Variants in ATF7IP observed in about 807,000 individuals in gnomAD.
ATF7IP encodes the protein activating transcription factor 7 interacting protein, also known as activating transcription factor 7-interacting protein 1.
ATF7IP carries 23 observed loss-of-function variants against 106.4 expected under a neutral mutation model. The ratio of observed to expected loss-of-function variants is 0.22; its 90% confidence interval spans 0.16 to 0.31. ATF7IP has a LOEUF of 0.31. Among genes scored for constraint, ATF7IP ranks in the 10% least tolerant of loss-of-function variants. ATF7IP has a pLI of 1.00. For synonymous variants in ATF7IP, 542 were observed against 539.0 expected (o/e 1.01, Z -0.08); for missense variants, 1,334 against 1,524.3 (o/e 0.88, Z 2.08).
In ATF7IP at chr12:14,423,838, A is replaced by G. The variant is rs138332471; in HGVS notation, c.-7-71A>G. ...GCTGCTTGCATCTCTTCTAAGATCA[A>G]TTTGTATTAAGTCTACAATTAGGTG... is the stretch of plus-strand genomic sequence containing the variant. On this transcript the variant is annotated intron_variant, in intron 1 of 14. Transcript: ENST00000261168. The G allele has an allele frequency of 4.4e-3, 6,487 of 1,479,066 alleles. 19 individuals are homozygous for G. Among genetic ancestry groups the G allele is most frequent in the Non-Finnish European group, 5.5e-3 (6,077 of 1,109,830 alleles). The allele number at this position is 1,479,066 out of a possible 1,614,324, so 91.6% of individuals were successfully genotyped here.
At chr12:14,383,852 G>A (rs1417893284) in intron 1 of ATF7IP, among the ~76,000 whole-genome samples, 1 of 152,160 alleles carries the variant, frequency 6.6e-6, no homozygotes, top group African/African-American at 2.4e-5. Context: ...GTGAAGCACT[G>A]TGCTTGGCCT....
intron 11 of ATF7IP, 140 bp from the exon 12 acceptor site, chr12:14,478,177 T>A: frequency 1.3e-6 from 1 of 773,590 alleles, no homozygotes; most frequent in Non-Finnish European, 2.1e-6. Flanking sequence ...TACACGTAAG[T>A]AAAATGGAAA....
In ATF7IP at chr12:14,446,970, C is replaced by CTTTT. The variant is rs5796595; in HGVS notation, c.1930-7_1930-4dup. On this transcript the variant is annotated splice_polypyrimidine_tract_variant and intron_variant, in intron 5 of 14. Transcript: ENST00000261168. ...CTATTTGATTTCCATTCATTTTTGT[C>CTTTT]TTTTTTTTTTTTTTCAGGCCAAGAT... The CTTTT allele has an allele frequency of 2.3e-4, 286 of 1,223,966 alleles. No individual in the cohort carries two copies. The highest frequency in any genetic ancestry group is 1.2e-3 in the South Asian group (67 of 54,718). The allele number at this position is 1,223,966 out of a possible 1,614,324, so 75.8% of individuals were successfully genotyped here.
chr12:14,497,361 G>A (rs888619613), intron 14 of ATF7IP, among the ~76,000 whole-genome samples: 4 of 152,134 alleles, frequency 2.6e-5, no homozygotes, highest in Admixed American at 6.5e-5. Flanking sequence ...CATTACTTCC[G>A]TGTTCCTCAA....
intron 2 of ATF7IP, among the ~76,000 whole-genome samples, chr12:14,430,259 G>T (rs1362056319): frequency 6.6e-6 from 1 of 152,166 alleles, no homozygotes; most frequent in African/African-American, 2.4e-5. Flanking sequence ...TATATCAAAT[G>T]CTGCTGTGTG....
Position 14,497,771 on chromosome 12 carries a change from G to A in ATF7IP, c.3511G>A (p.Val1171Ile), listed in dbSNP as rs1180964456. 3.7e-6 allele frequency: 6 copies of A among 1,614,116 alleles called. No homozygotes were observed. Among genetic ancestry groups the A allele is most frequent in the Non-Finnish European group, 5.1e-6 (6 of 1,180,010 alleles). The part of the protein sequence containing the change: ...PQKPHLKLAR[V>I]QSQNGIVLSW... ...GAAGCCACACTTGAAGTTAGCACGC[G>A]TTCAGAGTCAAAATGGCATAGTACT... Residue 1171 changes from valine to isoleucine, a missense_variant, in exon 15 of 15, where the codon GTT becomes ATT. Physicochemically the swap from Val to Ile is conservative, Grantham distance 29. This residue lies in a region of ATF7IP where 80 missense variants were observed against 157.0 expected (regional missense o/e 0.51). Transcript: ENST00000261168.
intron 9 of ATF7IP, among the ~76,000 whole-genome samples, chr12:14,462,625 A>T (rs1237990611): frequency 1.3e-5 from 2 of 152,026 alleles, no homozygotes; most frequent in African/African-American, 4.8e-5. Flanking sequence ...CAGAATTATA[A>T]TTTCATTATT....
rs578250934 is a variant in ATF7IP, at chr12:14,446,155, GT to G, written c.1930-823del. Among the ~76,000 whole-genome samples, 14 of 146,314 alleles carry G rather than the reference GT, an allele frequency of 9.6e-5. No homozygotes were observed. In the East Asian group the frequency reaches 1.2e-3, roughly 12 times the overall value. On this transcript the variant is annotated intron_variant, in intron 5 of 14. Transcript: ENST00000261168. ...GTAATGGGTTTTTTGTTTGTTTTTTGTTTTTTTTTTGAGACAGAGTCTAACT... is the reference window on the plus strand; with the variant it reads ...GTAATGGGTTTTTTGTTTGTTTTTTGTTTTTTTTTGAGACAGAGTCTAACT...
chr12:14,385,067 G>A (rs184984703), intron 1 of ATF7IP: 442 of 261,264 alleles, frequency 1.7e-3, no homozygotes, highest in Non-Finnish European at 2.5e-3. Context: ...ATTGCAAGAC[G>A]GGATTCACAG....
intron 9 of ATF7IP, among the ~76,000 whole-genome samples, chr12:14,461,581 T>C (rs1943639326): frequency 6.6e-6 from 1 of 152,212 alleles, no homozygotes; most frequent in Admixed American, 6.5e-5. Flanking sequence ...TTTGAACAAC[T>C]TAAAAATAAG....
At chr12:14,404,956 A>G (rs938475943) in intron 1 of ATF7IP, among the ~76,000 whole-genome samples, 1 of 152,220 alleles carries the variant, frequency 6.6e-6, no homozygotes, top group African/African-American at 2.4e-5. Context: ...GGTTTTGGGT[A>G]AAGAACTCTG....
intron 1 of ATF7IP, among the ~76,000 whole-genome samples, chr12:14,380,321 T>G (rs1021919941): frequency 6.6e-6 from 1 of 152,218 alleles, no homozygotes; most frequent in Non-Finnish European, 1.5e-5. Flanking sequence ...CTCAATTGCC[T>G]TCCTTAGGTA....
rs997230541 is a variant in ATF7IP, at chr12:14,484,716, G to A, written c.3280+3531G>A. 2.4e-4 allele frequency among the ~76,000 whole-genome samples: 37 copies of A among 152,180 alleles called. 1 individual carries two copies. The highest frequency in any genetic ancestry group is 3.8e-4 in the Non-Finnish European group (26 of 68,016). ...ATCAGTACAGGCTGGGGAAGAGAAC[G>A]CAGCGTGACAGGAGTGGAGATATGG... On this transcript the variant is annotated intron_variant, in intron 13 of 14. Transcript: ENST00000261168.
chr12:14,480,154 TA>T lies in ATF7IP; in HGVS notation c.3098-848del, dbSNP rs1565548284. On this transcript the variant is annotated intron_variant, in intron 12 of 14. Coordinates refer to ENST00000261168, the MANE Select transcript of ATF7IP (RefSeq NM_018179.5). ...TATAGCCAGTATTTTCCTCCAACTT[TA>T]TTTTTTTATAGGACCCATTTTTTCC... Among the ~76,000 whole-genome samples the T allele has an allele frequency of 5.3e-5, 8 of 152,268 alleles. No homozygotes were observed. The East Asian group carries it at 1.5e-3, about 29-fold the overall frequency.
At chr12:14,396,579 G>A (rs2136449827) in intron 1 of ATF7IP, among the ~76,000 whole-genome samples, 1 of 152,256 alleles carries the variant, frequency 6.6e-6, no homozygotes, top group East Asian at 1.9e-4. Context: ...TTTGAGGTTG[G>A]ATGAGGAGAA....
intron 13 of ATF7IP, among the ~76,000 whole-genome samples, chr12:14,492,286 T>G (rs1287711799): frequency 1.3e-5 from 2 of 152,202 alleles, no homozygotes; most frequent in Non-Finnish European, 2.9e-5. Context: ...TCTCCTGGGA[T>G]CAGTGTAAGC....
chr12:14,392,044 T>C (rs113669030), intron 1 of ATF7IP, among the ~76,000 whole-genome samples: 7,298 of 152,278 alleles, frequency 0.048, 188 homozygotes, highest in Non-Finnish European at 0.059. Flanking sequence ...TTTTATGGAA[T>C]GAGGCAAGTT....
intron 6 of ATF7IP, among the ~76,000 whole-genome samples, chr12:14,455,840 C>T (rs2136700362): frequency 6.6e-6 from 1 of 152,218 alleles, no homozygotes; most frequent in East Asian, 1.9e-4. Flanking sequence ...TTGCCTGTCT[C>T]AGCCTCCCAA....
At chr12:14,448,949 C>T (rs558368658) in intron 6 of ATF7IP, among the ~76,000 whole-genome samples, 6 of 152,216 alleles carry the variant, frequency 3.9e-5, no homozygotes, top group African/African-American at 1.4e-4. Flanking sequence ...TATGTATCTC[C>T]TTTGGAGAAA....
Sources: gnomAD v4.1 joint callset for allele counts (sites outside exome capture counted in the v4.1 genomes callset) on GRCh38, gnomAD v4.1.1 for gene constraint, gnomAD v4.1.1 regional missense constraint, MANE v1.5 for transcripts, NCBI Gene and HGNC (gene_info 2026-07-23, HGNC 2026-07-21) for gene names.